The following ASXL2 variants were observed in gnomAD, a reference collection of about 807,000 sequenced individuals.
ASXL2 encodes the protein putative Polycomb group protein ASXL2.
In ASXL2, 23 loss-of-function variants were observed where a neutral mutation model predicts 122.0. The ratio of observed to expected loss-of-function variants is 0.19; its 90% CI spans 0.14 to 0.27. The LOEUF (loss-of-function observed/expected upper bound fraction) is 0.27. Ranked by LOEUF, ASXL2 falls within the 10% of genes least tolerant of loss-of-function variation. The probability of loss-of-function intolerance (pLI) is 1.00; values close to 1 mark genes in which losing one functional copy is unlikely to be tolerated. For missense variants in ASXL2, 1,518 were observed against 1,713.8 expected, an observed-to-expected ratio of 0.89 and a Z score of 2.02; for synonymous variants, 650 against 637.0, an observed-to-expected ratio of 1.02 and a Z score of -0.31.
At chr2:25,769,222 C>T (rs954627180) in intron 6 of ASXL2, among the ~76,000 whole-genome samples, 1 of 152,142 alleles carries the variant, frequency 6.6e-6, no homozygotes, top group Admixed American at 6.5e-5. Flanking sequence ...ACTTCCCAGT[C>T]TTGTAAAGCA....
chr2:25,859,222 A>G (rs1434889130), intron 1 of ASXL2, among the ~76,000 whole-genome samples: 1 of 151,854 alleles, frequency 6.6e-6, no homozygotes, highest in Non-Finnish European at 1.5e-5. Flanking sequence ...GACTGCAGGC[A>G]CACACCACCA....
chr2:25,741,842 C>G lies in ASXL2; in HGVS notation c.*187G>C, dbSNP rs905898248. 2 of 575,890 alleles carry G rather than the reference C, an allele frequency of 3.5e-6. No individual in the cohort carries two copies. Among genetic ancestry groups the G allele is most frequent in the Non-Finnish European group, 6.0e-6 (2 of 331,398 alleles). The allele number at this position is 575,890 out of a possible 1,614,324, so 35.7% of individuals were successfully genotyped here. A position where few individuals can be genotyped will look rare whatever the true frequency, so the allele number is the denominator to read the frequency against. On this transcript the variant is annotated 3_prime_UTR_variant, in exon 13 of 13. Coordinates refer to ENST00000435504, the MANE Select transcript of ASXL2 (RefSeq NM_018263.6). ...CAAAGTCTTGCTTGACTTAGACTTA[C>G]TATACAAGGTGCTCTTCCTCTAAAA...
intron 5 of ASXL2, among the ~76,000 whole-genome samples, chr2:25,794,409 T>TA (rs1389583619): frequency 6.6e-6 from 1 of 152,206 alleles, no homozygotes; most frequent in Non-Finnish European, 1.5e-5. Context: ...GCTATGATCA[T>TA]AAAAAAGCAA....
chr2:25,743,090 C>A lies in ASXL2; in HGVS notation c.3247G>T (p.Val1083Leu). 1.2e-6 allele frequency: 2 copies of A among 1,614,012 alleles called. No individual in the cohort carries two copies. The highest frequency in any genetic ancestry group is 1.3e-5 in the African/African-American group (1 of 75,038). Residue 1083 changes from valine to leucine, a missense_variant, in exon 13 of 13, where the codon GTG becomes TTG. Physicochemically the swap from Val to Leu is conservative, Grantham distance 32 (BLOSUM62 1). Around this residue, in one of 8 missense-constraint regions of ASXL2, gnomAD observed 831 missense variants for 833.1 expected, o/e 1.00. Coordinates refer to ENST00000435504, the MANE Select transcript of ASXL2 (RefSeq NM_018263.6). ...GCGAAGTTGAACTGTGAGGGCGGCA[C>A]AACTGAGAGAAGATTCTGCCTCCGA... Reference protein sequence around the residue: ...RVRRQNLLSVVPPSQFNFAHS... With the variant: ...RVRRQNLLSVLPPSQFNFAHS...
intron 3 of ASXL2, among the ~76,000 whole-genome samples, chr2:25,832,993 GA>G (rs2089471770): frequency 6.6e-6 from 1 of 152,156 alleles, no homozygotes; most frequent in African/African-American, 2.4e-5. Context: ...CAAAATTATA[GA>G]AATGTAGGAC....
In ASXL2 at chr2:25,822,737, A is replaced by G. The variant is rs144747890; in HGVS notation, c.143+12801T>C. On this transcript the variant is annotated intron_variant, in intron 3 of 12. Coordinates refer to ENST00000435504, the MANE Select transcript of ASXL2 (RefSeq NM_018263.6). Reference sequence around the variant, plus strand: ...CTGGCCAGTCATAGCCAAGGTTAACAAAAGGAAGGGCAAAACTCAATTGGC... The same window carrying G: ...CTGGCCAGTCATAGCCAAGGTTAACGAAAGGAAGGGCAAAACTCAATTGGC... 3,260 of 669,082 alleles carry G rather than the reference A, an allele frequency of 4.9e-3. 14 individuals are homozygous for G. Among genetic ancestry groups the G allele is most frequent in the Non-Finnish European group, 7.3e-3 (2,714 of 369,790 alleles). 41.4% of individuals were successfully genotyped at this position (669,082 alleles called of 1,614,324 possible).
At position 25,750,368 on chromosome 2, in the gene ASXL2, G is replaced by A. The variant is rs779034619; in HGVS notation, c.1188C>T (p.Pro396=). The A allele has an allele frequency of 1.9e-6, 3 of 1,610,266 alleles. No homozygotes were observed. The highest frequency in any genetic ancestry group is 3.4e-5 in the Admixed American group (2 of 59,052). ...GGGTTTTCTTTACTTTGGGATCACTGGGAGAAGCTGTCAATTTCTTAGAAT... is the reference window on the plus strand; with the variant it reads ...GGGTTTTCTTTACTTTGGGATCACTAGGAGAAGCTGTCAATTTCTTAGAAT... ...LEDSKKLTAS[P]SDPKVKKTPA... Residue 396 remains proline, a synonymous_variant, in exon 12 of 13, where the codon CCC becomes CCT. Transcript: ENST00000435504.
In ASXL2 at chr2:25,843,778, A is replaced by C. The variant is rs370463471; in HGVS notation, c.140+1703T>G. Among the ~76,000 whole-genome samples the C allele has an allele frequency of 5.7e-4, 83 of 145,518 alleles. No homozygotes were observed. The East Asian group carries it at 0.013, about 23-fold the overall frequency. ...GATCATGGCTGTGAACAGCCACTGC[A>C]CTCAAGGCTGGGCAACATAATGAGA... is the stretch of plus-strand genomic sequence containing the variant. On this transcript the variant is annotated intron_variant, in intron 2 of 12. Transcript: ENST00000435504.
chr2:25,869,403 C>T (rs7569248), intron 1 of ASXL2, among the ~76,000 whole-genome samples: 317 of 152,096 alleles, frequency 2.1e-3, no homozygotes, highest in African/African-American at 7.2e-3. Context: ...AAAGATTTAG[C>T]ATTCCTATGT....
At chr2:25,805,138 T>C (rs2089062861) in intron 4 of ASXL2, among the ~76,000 whole-genome samples, 1 of 152,196 alleles carries the variant, frequency 6.6e-6, no homozygotes, top group Admixed American at 6.5e-5. Flanking sequence ...TGGGTTCCTA[T>C]ACCGGTTCTG....
At chr2:25,841,623 G>A (rs2089579996) in intron 2 of ASXL2, among the ~76,000 whole-genome samples, 1 of 152,126 alleles carries the variant, frequency 6.6e-6, no homozygotes, top group Admixed American at 6.5e-5. Flanking sequence ...GAGGAGGGCA[G>A]ATCATTTGAG....
At chr2:25,814,943 T>C (rs143930287) in intron 3 of ASXL2, among the ~76,000 whole-genome samples, 62 of 152,292 alleles carry the variant, frequency 4.1e-4, no homozygotes, top group African/African-American at 1.5e-3. Context: ...ATAGAGGTAA[T>C]ACTGCCTACT....
In ASXL2 at chr2:25,742,248, A is replaced by C; in HGVS notation, c.4089T>G (p.Thr1363=). 6.2e-7 allele frequency: 1 copy of C among 1,614,004 alleles called. No homozygotes were observed. Among genetic ancestry groups the C allele is most frequent in the Middle Eastern group, 1.6e-4 (1 of 6,062 alleles). ...CTTGGCTAGCAGGGATGGTAGTGAC[A>C]GTCACTGAAAATGACATGACATCAC... ...NVGDVMSFSV[T]VTTIPASQAM... Residue 1363 remains threonine (T), a synonymous_variant, in exon 13 of 13, where the codon ACT becomes ACG. Coordinates refer to ENST00000435504, the MANE Select transcript of ASXL2 (RefSeq NM_018263.6).
chr2:25,745,641 C>CTTT (rs59530493), intron 12 of ASXL2, among the ~76,000 whole-genome samples: 148 of 75,622 alleles, frequency 2.0e-3, no homozygotes, highest in East Asian at 4.7e-3. Context: ...TGATTTCCTT[C>CTTT]TTTTTTTTTT....
chr2:25,757,466 G>A (rs796087241), intron 9 of ASXL2, among the ~76,000 whole-genome samples: 3 of 140,780 alleles, frequency 2.1e-5, no homozygotes, highest in African/African-American at 8.0e-5. Context: ...GTGAAACCCC[G>A]TCTCTACTAA....
chr2:25,761,885 TAC>T (rs1187378245), intron 8 of ASXL2, among the ~76,000 whole-genome samples: 3 of 152,194 alleles, frequency 2.0e-5, no homozygotes, highest in Admixed American at 2.0e-4. Context: ...CTGATATAAA[TAC>T]AGTTCTTATT....
At chr2:25,795,147 CTAGAT>C (rs2088893951) in intron 5 of ASXL2, among the ~76,000 whole-genome samples, 1 of 152,298 alleles carries the variant, frequency 6.6e-6, no homozygotes, top group Non-Finnish European at 1.5e-5. Context: ...ACCTCACCTT[CTAGAT>C]ACCACACACC....
At chr2:25,798,819 G>C (rs1559514282) in intron 5 of ASXL2, among the ~76,000 whole-genome samples, 3 of 152,178 alleles carry the variant, frequency 2.0e-5, no homozygotes, top group African/African-American at 4.8e-5. Context: ...TGAAGAGCTG[G>C]AGCACAGAAG....
At chr2:25,853,609 C>A (rs1368970454) in intron 1 of ASXL2, among the ~76,000 whole-genome samples, 1 of 152,126 alleles carries the variant, frequency 6.6e-6, no homozygotes, top group East Asian at 1.9e-4. Flanking sequence ...CGTATACATC[C>A]CCAGTACTGC....
Sources: gnomAD v4.1 joint callset for allele counts (sites outside exome capture counted in the v4.1 genomes callset) on GRCh38, gnomAD v4.1.1 for gene constraint, gnomAD v4.1.1 regional missense constraint, MANE v1.5 for transcripts, NCBI Gene and HGNC (gene_info 2026-07-23, HGNC 2026-07-21) for gene names.